The following INSR variants were observed in gnomAD, a reference collection of about 807,000 sequenced individuals.
INSR encodes the protein IR.
INSR carries 67 observed loss-of-function variants against 142.6 expected under a neutral mutation model. That is an observed-to-expected ratio of 0.47 (90% CI 0.39 to 0.58). The LOEUF is 0.58. Ranked by LOEUF, INSR falls within the 20% of genes least tolerant of loss-of-function variation. The probability of loss-of-function intolerance (pLI) is 0.00; values close to 1 mark genes in which losing one functional copy is unlikely to be tolerated. For missense variants in INSR, 1,248 were observed against 1,833.2 expected (o/e 0.68, Z 5.83); for synonymous variants, 756 against 743.1 (o/e 1.02, Z -0.28).
chr19:7,190,466 G>A (rs973203528), intron 2 of INSR, among the ~76,000 whole-genome samples: 10 of 149,772 alleles, frequency 6.7e-5, no homozygotes, highest in Admixed American at 2.0e-4. Context: ...TCCGCCTCCC[G>A]GGTTCAAGCA....
At chr19:7,184,205 A>T in intron 3 of INSR, 111 bp downstream of exon 3, 1 of 957,978 alleles carries the variant, frequency 1.0e-6, no homozygotes, top group Non-Finnish European at 1.6e-6. Context: ...GACCTCACTC[A>T]TAGCCAATTA....
chr19:7,272,786 T>A (rs1044167772), intron 1 of INSR, among the ~76,000 whole-genome samples: 4 of 152,200 alleles, frequency 2.6e-5, no homozygotes, highest in Non-Finnish European at 2.9e-5. Context: ...CTCTCTATGT[T>A]GCCCAGGATG....
intron 2 of INSR, among the ~76,000 whole-genome samples, chr19:7,210,716 G>GAGAGAGAGAGACAGAGAC (rs1975249222): frequency 6.6e-6 from 1 of 151,858 alleles, no homozygotes; most frequent in South Asian, 2.1e-4. Flanking sequence ...TGTATATATG[G>GAGAGAGAGAGACAGAGAC]AGAGAGAGAG....
At chr19:7,250,620 C>T (rs1374530200) in intron 2 of INSR, among the ~76,000 whole-genome samples, 2 of 124,902 alleles carry the variant, frequency 1.6e-5, no homozygotes, top group East Asian at 4.6e-4. Flanking sequence ...GGAGGGAGGG[C>T]AGGGAGGAAG....
At position 7,166,427 on chromosome 19, in the gene INSR, GGCAGTT is replaced by G. The variant is rs774617469; in HGVS notation, c.1611-29_1611-24del. ...GGGCTTTCAAGACAAAACAGCAGAA[GGCAGTT>G]ACCCTTACAAGACCGTCACACTGAG... On this transcript the variant is annotated intron_variant, in intron 7 of 21. Transcript: ENST00000302850. The surrounding 1 kb of genome is among the most constrained non-coding windows in gnomAD (Gnocchi z 4.1). 1 of 1,612,574 alleles carries G rather than the reference GGCAGTT, an allele frequency of 6.2e-7. No homozygotes were observed. The highest frequency in any genetic ancestry group is 1.1e-5 in the South Asian group (1 of 90,900).
intron 13 of INSR, among the ~76,000 whole-genome samples, chr19:7,134,346 C>G (rs1327963173): frequency 1.3e-5 from 2 of 152,206 alleles, no homozygotes; most frequent in Non-Finnish European, 2.9e-5. Flanking sequence ...CTGCCTTTCC[C>G]TGCAACTCCC....
intron 17 of INSR, among the ~76,000 whole-genome samples, chr19:7,124,203 A>G (rs1972565132): frequency 6.6e-6 from 1 of 151,154 alleles, no homozygotes; most frequent in Admixed American, 6.6e-5. Context: ...CTCTAATAAA[A>G]AAAAGTATAA....
rs1300984514 is a variant in INSR at position 7,119,614 on chromosome 19, G to T, written c.3660-31C>A. On this transcript the variant is annotated intron_variant, in intron 20 of 21. Coordinates refer to ENST00000302850, the MANE Select transcript of INSR (RefSeq NM_000208.4). This position sits in a 1 kb window ranked among gnomAD's most constrained non-coding sequence, Gnocchi z 5.2. ...GATGACAGTTGATAGTAGTAACAAA[G>T]AAGCCATTTAGACACACACACACAC... The T allele has an allele frequency of 1.2e-6, 2 of 1,612,808 alleles. No homozygotes were observed. The highest frequency in any genetic ancestry group is 1.7e-5 in the Admixed American group (1 of 59,926).
intron 1 of INSR, among the ~76,000 whole-genome samples, chr19:7,282,143 T>C (rs1227212986): frequency 2.0e-5 from 3 of 151,640 alleles, no homozygotes; most frequent in Non-Finnish European, 4.4e-5. Flanking sequence ...GGTGGGTGGA[T>C]CATTTGAGGT....
In INSR at chr19:7,208,316, T is replaced by G. The variant is rs551695159; in HGVS notation, c.653-23679A>C. Among the ~76,000 whole-genome samples the G allele has an allele frequency of 1.1e-3, 157 of 145,998 alleles. 1 individual carries two copies. Among genetic ancestry groups the G allele is most frequent in the Non-Finnish European group, 2.0e-3 (131 of 66,622 alleles). On this transcript the variant is annotated intron_variant, in intron 2 of 21. Coordinates refer to ENST00000302850, the MANE Select transcript of INSR (RefSeq NM_000208.4). The stretch of plus-strand genomic sequence containing the variant: ...TCACATAGAAATCCCCCCCTTGAAC[T>G]TCCTTCCTATCTGTTTCCTCAGCCT...
intron 9 of INSR, among the ~76,000 whole-genome samples, chr19:7,162,172 C>T (rs1402412154): frequency 6.6e-6 from 1 of 151,556 alleles, no homozygotes; most frequent in African/African-American, 2.4e-5. Flanking sequence ...ACTAAAAATA[C>T]AAAAATTAGC....
At chr19:7,188,897 A>AG (rs955888252) in intron 2 of INSR, among the ~76,000 whole-genome samples, 4 of 139,888 alleles carry the variant, frequency 2.9e-5, no homozygotes, top group African/African-American at 7.9e-5. Context: ...AAAAAAAGGG[A>AG]GGGGGGATTG....
intron 19 of INSR, among the ~76,000 whole-genome samples, chr19:7,121,838 G>T (rs1972499323): frequency 6.6e-6 from 1 of 152,158 alleles, no homozygotes; most frequent in African/African-American, 2.4e-5. Context: ...GCTGGTGGGG[G>T]GTCCCCATCC....
intron 1 of INSR, among the ~76,000 whole-genome samples, chr19:7,268,937 C>T (rs951838934): frequency 6.6e-6 from 1 of 151,730 alleles, no homozygotes; most frequent in Non-Finnish European, 1.5e-5. Context: ...CTTGGCACAC[C>T]TATTTGCGTG....
chr19:7,152,003 A>T (rs2144888572), intron 10 of INSR: 1 of 147,644 alleles, frequency 6.8e-6, no homozygotes, highest in South Asian at 2.1e-4. Flanking sequence ...ATGGGGTCTC[A>T]TTATGTTGCC....
Position 7,119,717 on chromosome 19 carries a change from CAT to C in INSR, c.3660-136_3660-135del. Reference sequence around the variant, plus strand: ...GCCAACACATACATGCAAACACACACATGCAAACACACACGCACATACACGTG... The same window carrying C: ...GCCAACACATACATGCAAACACACACGCAAACACACACGCACATACACGTG... On this transcript the variant is annotated intron_variant, in intron 20 of 21. Transcript: ENST00000302850. The surrounding 1 kb of genome is among the most constrained non-coding windows in gnomAD (Gnocchi z 5.2). The C allele has an allele frequency of 1.0e-6, 1 of 970,022 alleles. No homozygotes were observed. Among genetic ancestry groups the C allele is most frequent in the Non-Finnish European group, 1.6e-6 (1 of 622,486 alleles). The allele number at this position is 970,022 out of a possible 1,614,324, so 60.1% of individuals were successfully genotyped here. A position where few individuals can be genotyped will look rare whatever the true frequency, so the allele number is the denominator to read the frequency against.
At chr19:7,183,266 GTGTGT>G in intron 3 of INSR, among the ~76,000 whole-genome samples, 1 of 66,804 alleles carries the variant, frequency 1.5e-5, no homozygotes, top group Non-Finnish European at 3.4e-5. Context: ...GTTTTGTGGT[GTGTGT>G]GTGTGTGTGT....
In INSR at chr19:7,116,122, T is replaced by C. The variant is rs1568422941; in HGVS notation, c.*934A>G. 89 of 38,350 alleles carry C rather than the reference T, an allele frequency of 2.3e-3. No homozygotes were observed. Among genetic ancestry groups the C allele is most frequent in the African/African-American group, 7.5e-3 (87 of 11,650 alleles). 2.4% of individuals were successfully genotyped at this position (38,350 alleles called of 1,614,324 possible). A position where few individuals can be genotyped will look rare whatever the true frequency, so the allele number is the denominator to read the frequency against. ...TTTTCCATTTTGTTTTTTCTTTCTTTTTCTTTTTTTTTTTTTAATGTCCTA... is the reference window on the plus strand; with the variant it reads ...TTTTCCATTTTGTTTTTTCTTTCTTCTTCTTTTTTTTTTTTTAATGTCCTA... On this transcript the variant is annotated 3_prime_UTR_variant, in exon 22 of 22. Coordinates refer to ENST00000302850, the MANE Select transcript of INSR (RefSeq NM_000208.4).
chr19:7,223,051 C>T lies in INSR; in HGVS notation c.653-38414G>A, dbSNP rs145936183. Among the ~76,000 whole-genome samples the T allele has an allele frequency of 3.2e-4, 49 of 152,212 alleles. No individual in the cohort carries two copies. In the East Asian group the frequency reaches 7.9e-3, roughly 25 times the overall value. ...TACAAAAATTAGCCCAGTGTGGTGG[C>T]GTGCACCTGTAATCCCAGCTACTCG... On this transcript the variant is annotated intron_variant, in intron 2 of 21. Coordinates refer to ENST00000302850, the MANE Select transcript of INSR (RefSeq NM_000208.4).
Sources: gnomAD v4.1 joint callset for allele counts (sites outside exome capture counted in the v4.1 genomes callset) on GRCh38, gnomAD v4.1.1 for gene constraint, Gnocchi (gnomAD v3.1) non-coding constraint, MANE v1.5 for transcripts, NCBI Gene and HGNC (gene_info 2026-07-23, HGNC 2026-07-21) for gene names.